Variants in ANO10 observed in about 807,000 individuals in gnomAD.
ANO10 encodes anoctamin-10.
A neutral mutation model predicts 74.7 loss-of-function variants in ANO10; 77 were observed. The ratio of observed to expected loss-of-function variants is 1.03; its 90% CI spans 0.86 to 1.25. The LOEUF is 1.25. ANO10 is among the 50% of genes most tolerant of loss of function. The probability of loss-of-function intolerance (pLI) is 0.00; values close to 1 mark genes in which losing one functional copy is unlikely to be tolerated. For missense variants in ANO10, 721 were observed against 778.1 expected (o/e 0.93, Z 0.87); for synonymous variants, 279 against 284.9 (o/e 0.98, Z 0.21).
rs540009351 is a variant in ANO10, at chr3:43,530,431, TATTA to T, written c.1797+19285_1797+19288del. Among the ~76,000 whole-genome samples the T allele has an allele frequency of 3.5e-4, 52 of 148,938 alleles. 2 individuals carry two copies. In the South Asian group the frequency reaches 0.01, roughly 30 times the overall value. On this transcript the variant is annotated intron_variant, in intron 11 of 12. Transcript: ENST00000292246. ...TCTTATATAAAACATATAGCCTATA[TATTA>T]TATATATTTTATATATGGTATATAT...
intron 8 of ANO10, 80 bp from the exon 9 acceptor site, chr3:43,561,482 A>G: frequency 8.2e-7 from 1 of 1,222,948 alleles, no homozygotes; most frequent in Non-Finnish European, 1.2e-6. Flanking sequence ...TATATAAATT[A>G]AACTACAGTA....
At chr3:43,425,911 TAAGGTCTG>T (rs2092893381) in intron 12 of ANO10, among the ~76,000 whole-genome samples, 1 of 152,156 alleles carries the variant, frequency 6.6e-6, no homozygotes, top group South Asian at 2.1e-4. Flanking sequence ...TGATACCTCT[TAAGGTCTG>T]AAGAAACATT....
rs548533405 is a variant in ANO10 at position 43,489,540 on chromosome 3, A to C, written c.1798-56813T>G. 7.2e-5 allele frequency among the ~76,000 whole-genome samples: 11 copies of C among 152,130 alleles called. 1 individual carries two copies. The South Asian group carries it at 2.3e-3, about 32-fold the overall frequency. On this transcript the variant is annotated intron_variant, in intron 11 of 12. Transcript: ENST00000292246. ...TTTTTCAGTGAACCTTTAGAGGGCC[A>C]AGGGGAAAGCTCTCCCTTGGCCCTT...
chr3:43,561,423 C>T, intron 8 of ANO10, 21 bp from the exon 9 acceptor site: 1 of 1,610,362 alleles, frequency 6.2e-7, no homozygotes, highest in Non-Finnish European at 8.5e-7. Context: ...GCACACAAAT[C>T]ACATTTTGGG....
At chr3:43,407,182 G>A (rs2092590957) in intron 12 of ANO10, among the ~76,000 whole-genome samples, 3 of 152,154 alleles carry the variant, frequency 2.0e-5, no homozygotes, top group Admixed American at 1.3e-4. Context: ...GGGATTACAT[G>A]CGTGAGCCAC....
intron 1 of ANO10, chr3:43,637,586 T>G (rs1313095562): frequency 6.7e-6 from 1 of 148,708 alleles, no homozygotes; most frequent in African/African-American, 2.5e-5. Context: ...GTCAGGGCAT[T>G]TTTTTTTTTC....
intron 11 of ANO10, among the ~76,000 whole-genome samples, chr3:43,477,510 A>C (rs944129774): frequency 6.6e-6 from 1 of 152,178 alleles, no homozygotes; most frequent in Non-Finnish European, 1.5e-5. Flanking sequence ...TTATATTTTA[A>C]GTGCTAAATC....
At chr3:43,669,136 T>C (rs2149576516) in intron 1 of ANO10, among the ~76,000 whole-genome samples, 1 of 152,228 alleles carries the variant, frequency 6.6e-6, no homozygotes, top group South Asian at 2.1e-4. Flanking sequence ...ACTGGAAGGC[T>C]GAAGCAAGCT....
At chr3:43,419,174 G>C (rs1478558671) in intron 12 of ANO10, among the ~76,000 whole-genome samples, 1 of 152,226 alleles carries the variant, frequency 6.6e-6, no homozygotes, top group Non-Finnish European at 1.5e-5. Context: ...AAGAGGAAGA[G>C]TGATTCAAGA....
rs556894956 is a variant in ANO10, at chr3:43,566,887, G to C, written c.1219-1160C>G. ...GCTTCAGACGATCAAATTACTCTGA[G>C]CTACGGGAGGACATTCAAACCAAAG... On this transcript the variant is annotated intron_variant, in intron 7 of 12. Coordinates refer to ENST00000292246, the MANE Select transcript of ANO10 (RefSeq NM_018075.5). 3.0e-3 allele frequency among the ~76,000 whole-genome samples: 451 copies of C among 152,312 alleles called. 2 individuals are homozygous for C. Among genetic ancestry groups the C allele is most frequent in the African/African-American group, 0.01 (427 of 41,570 alleles).
At chr3:43,659,513 C>T (rs1233497352) in intron 1 of ANO10, among the ~76,000 whole-genome samples, 2 of 152,136 alleles carry the variant, frequency 1.3e-5, no homozygotes, top group South Asian at 2.1e-4. Flanking sequence ...GAGGGGCACC[C>T]GCCATTGCTG....
At chr3:43,561,519 CAAATA>C in intron 8 of ANO10, 117 bp from the exon 9 acceptor site, 1 of 946,480 alleles carries the variant, frequency 1.1e-6, no homozygotes, top group East Asian at 2.7e-5. Context: ...AATTATGCAA[CAAATA>C]AAATGGAATC....
At chr3:43,515,774 C>T (rs142106198) in intron 11 of ANO10, among the ~76,000 whole-genome samples, 104 of 152,274 alleles carry the variant, frequency 6.8e-4, no homozygotes, top group African/African-American at 2.4e-3. Flanking sequence ...TTCTTTGCTT[C>T]GTATTGCTAA....
intron 10 of ANO10, 42 bp from the exon 11 acceptor site, chr3:43,549,890 C>T (rs1236498792): frequency 6.2e-7 from 1 of 1,607,238 alleles, no homozygotes; most frequent in Non-Finnish European, 8.5e-7. Flanking sequence ...GCAATGACTG[C>T]TTCCATATTT....
chr3:43,385,356 T>C (rs1384364975), intron 12 of ANO10, among the ~76,000 whole-genome samples: 1 of 152,170 alleles, frequency 6.6e-6, no homozygotes, highest in Admixed American at 6.5e-5. Flanking sequence ...GTGTGGAGAT[T>C]CCTTAAATAA....
Position 43,395,685 on chromosome 3 carries a change from A to G in ANO10, c.1915-28711T>C, listed in dbSNP as rs139197951. ...AGCTTTGAAATCAAGTAGTCTTCCA[A>G]TTGTGTTCTTCTTTTTAAAAGCTTT... On this transcript the variant is annotated intron_variant, in intron 12 of 12. Coordinates refer to ENST00000292246, the MANE Select transcript of ANO10 (RefSeq NM_018075.5). Among the ~76,000 whole-genome samples, 6 of 151,706 alleles carry G rather than the reference A, an allele frequency of 4.0e-5. No homozygotes were observed. The East Asian group carries it at 1.2e-3, about 29-fold the overall frequency.
chr3:43,400,022 T>C (rs2148867212), intron 12 of ANO10, among the ~76,000 whole-genome samples: 1 of 152,320 alleles, frequency 6.6e-6, no homozygotes. Context: ...AACAGCTGGC[T>C]GTATCTAAAG....
At chr3:43,479,141 T>C (rs1447741419) in intron 11 of ANO10, among the ~76,000 whole-genome samples, 1 of 152,154 alleles carries the variant, frequency 6.6e-6, no homozygotes, top group African/African-American at 2.4e-5. Flanking sequence ...TTTTGTTTAA[T>C]AACAGAAAAG....
chr3:43,655,118 G>A (rs2083833546), intron 1 of ANO10, among the ~76,000 whole-genome samples: 1 of 152,158 alleles, frequency 6.6e-6, no homozygotes, highest in Non-Finnish European at 1.5e-5. Context: ...AAACTAGAGG[G>A]AAATTTCTTT....
Sources: gnomAD v4.1 joint callset for allele counts (sites outside exome capture counted in the v4.1 genomes callset) on GRCh38, gnomAD v4.1.1 for gene constraint, MANE v1.5 for transcripts, NCBI Gene and HGNC (gene_info 2026-07-23, HGNC 2026-07-21) for gene names.